Variants in MAGI1 observed in about 807,000 individuals in gnomAD.
MAGI1 encodes the protein membrane-associated guanylate kinase, WW and PDZ domain-containing protein 1.
In MAGI1, 58 loss-of-function variants were observed where a neutral mutation model predicts 139.9. The ratio of observed to expected loss-of-function variants is 0.41; its 90% CI spans 0.34 to 0.52. The LOEUF is 0.52. Among genes scored for constraint, MAGI1 ranks in the 20% least tolerant of loss-of-function variants. MAGI1 has a pLI of 0.12. For missense variants in MAGI1, 1,874 were observed against 1,901.6 expected, an observed-to-expected ratio of 0.99 and a Z score of 0.27; for synonymous variants, 812 against 737.9, an observed-to-expected ratio of 1.10 and a Z score of -1.63.
At chr3:65,710,093 A>T (rs1301410899) in intron 1 of MAGI1, among the ~76,000 whole-genome samples, 1 of 152,150 alleles carries the variant, frequency 6.6e-6, no homozygotes, top group South Asian at 2.1e-4. Flanking sequence ...AAAGTATGTT[A>T]AGAGGTTACT....
chr3:65,741,462 C>T (rs1021220161), intron 1 of MAGI1, among the ~76,000 whole-genome samples: 17 of 152,214 alleles, frequency 1.1e-4, no homozygotes, highest in African/African-American at 4.1e-4. Context: ...GCCTGAGCCG[C>T]CACGCCTGGC....
intron 2 of MAGI1, among the ~76,000 whole-genome samples, chr3:65,535,713 T>A (rs1356483875): frequency 6.6e-6 from 1 of 152,196 alleles, no homozygotes; most frequent in African/African-American, 2.4e-5. Context: ...TACAAGGGGA[T>A]GATTCAAAGG....
chr3:65,654,587 A>G (rs2107335707), intron 1 of MAGI1, among the ~76,000 whole-genome samples: 1 of 152,244 alleles, frequency 6.6e-6, no homozygotes. Flanking sequence ...CACACCATTG[A>G]GTCTCTTTCT....
chr3:65,986,910 G>A (rs1255605668), intron 1 of MAGI1, among the ~76,000 whole-genome samples: 4 of 143,726 alleles, frequency 2.8e-5, no homozygotes, highest in Non-Finnish European at 6.0e-5. Flanking sequence ...TAACTCTGTT[G>A]CCCAGGCTGG....
intron 2 of MAGI1, among the ~76,000 whole-genome samples, chr3:65,530,659 G>A (rs76028118): frequency 0.027 from 2,194 of 81,040 alleles, 138 homozygotes; most frequent in African/African-American, 0.1. Flanking sequence ...GTGTGTGTGT[G>A]TGTATATATA....
intron 1 of MAGI1, among the ~76,000 whole-genome samples, chr3:65,957,576 C>A (rs1175234171): frequency 6.7e-6 from 1 of 149,026 alleles, no homozygotes; most frequent in Non-Finnish European, 1.5e-5. Flanking sequence ...CTACATGCGA[C>A]ATGGACAAAT....
intron 1 of MAGI1, among the ~76,000 whole-genome samples, chr3:65,971,927 T>A (rs2065030260): frequency 6.6e-6 from 1 of 152,196 alleles, no homozygotes. Flanking sequence ...TTAATAATCA[T>A]GTCGTACCTC....
intron 1 of MAGI1, among the ~76,000 whole-genome samples, chr3:65,991,735 C>G (rs902955895): frequency 1.3e-5 from 2 of 152,196 alleles, no homozygotes; most frequent in African/African-American, 2.4e-5. Flanking sequence ...TAAATCCAGG[C>G]CAGGCACGGT....
chr3:65,830,842 G>C (rs1213416368), intron 1 of MAGI1, among the ~76,000 whole-genome samples: 1 of 152,046 alleles, frequency 6.6e-6, no homozygotes, highest in Non-Finnish European at 1.5e-5. Context: ...TGTGACATCT[G>C]CTAATACAAA....
chr3:65,935,188 A>C (rs1446853473), intron 1 of MAGI1, among the ~76,000 whole-genome samples: 1 of 152,202 alleles, frequency 6.6e-6, no homozygotes, highest in African/African-American at 2.4e-5. Flanking sequence ...CAGGCAAGAA[A>C]GAATATTTCA....
At chr3:66,037,918 G>A (rs2069031238) in intron 1 of MAGI1, 78 bp downstream of exon 1, 2 of 1,509,384 alleles carry the variant, frequency 1.3e-6, no homozygotes, top group South Asian at 1.3e-5. Flanking sequence ...GAGGGAAGCA[G>A]GAAATCGAGA....
chr3:65,673,205 C>T (rs763647623), intron 1 of MAGI1, among the ~76,000 whole-genome samples: 2 of 152,112 alleles, frequency 1.3e-5, no homozygotes, highest in Non-Finnish European at 2.9e-5. Flanking sequence ...AGTGCAGAAG[C>T]TCTTAAACAT....
chr3:65,807,706 A>G (rs2040952896), intron 1 of MAGI1, among the ~76,000 whole-genome samples: 2 of 152,198 alleles, frequency 1.3e-5, no homozygotes, highest in Admixed American at 1.3e-4. Flanking sequence ...TACAACAGAT[A>G]ATGTCTGGTA....
intron 18 of MAGI1, among the ~76,000 whole-genome samples, chr3:65,370,273 A>G (rs1419457799): frequency 2.6e-5 from 4 of 152,172 alleles, no homozygotes; most frequent in Non-Finnish European, 5.9e-5. Flanking sequence ...GTCTCAAAAA[A>G]AAAAAATTGA....
intron 1 of MAGI1, chr3:65,688,436 G>A (rs1275770344): frequency 4.0e-6 from 2 of 495,362 alleles, no homozygotes; most frequent in South Asian, 1.8e-5. Context: ...ACCTCAAGGA[G>A]AGGAAGAAGA....
intron 1 of MAGI1, among the ~76,000 whole-genome samples, chr3:65,750,043 T>G (rs2036017897): frequency 6.6e-6 from 1 of 151,892 alleles, no homozygotes; most frequent in African/African-American, 2.4e-5. Context: ...TGGCCAAGGC[T>G]CTGGTTAAGG....
chr3:65,512,982 G>A (rs1359453263), intron 2 of MAGI1, among the ~76,000 whole-genome samples: 3 of 122,792 alleles, frequency 2.4e-5, no homozygotes, highest in Non-Finnish European at 5.0e-5. Flanking sequence ...TTCATCCCTG[G>A]GATGCAAGGC....
chr3:65,404,438 C>G (rs1945169374), intron 12 of MAGI1, among the ~76,000 whole-genome samples: 1 of 152,122 alleles, frequency 6.6e-6, no homozygotes, highest in Non-Finnish European at 1.5e-5. Flanking sequence ...GGCATTTGTT[C>G]CTCTTTGCCG....
chr3:65,643,634 G>A (rs2107258436), intron 1 of MAGI1, among the ~76,000 whole-genome samples: 1 of 151,870 alleles, frequency 6.6e-6, no homozygotes, highest in South Asian at 2.1e-4. Flanking sequence ...CCCAGGAATG[G>A]GTAAAAACCA....
Sources: gnomAD v4.1 joint callset for allele counts (sites outside exome capture counted in the v4.1 genomes callset) on GRCh38, gnomAD v4.1.1 for gene constraint, MANE v1.5 for transcripts, NCBI Gene and HGNC (gene_info 2026-07-23, HGNC 2026-07-21) for gene names.